Variants in KCNQ2 observed in about 807,000 individuals in gnomAD.
The protein encoded by KCNQ2 is potassium voltage-gated channel subfamily KQT member 2.
In KCNQ2, 14 loss-of-function variants were observed where a neutral mutation model predicts 84.8. The observed-to-expected ratio is 0.17, with a 90% CI of 0.11 to 0.26. The LOEUF (loss-of-function observed/expected upper bound fraction) is 0.26. KCNQ2 is among the 10% of genes least tolerant of loss of function. The pLI is 1.00. For synonymous variants in KCNQ2, 599 were observed against 554.1 expected (o/e 1.08, Z -1.14); for missense variants, 788 against 1,254.0 (o/e 0.63, Z 5.61).
chr20:63,428,461 T>C, intron 9 of KCNQ2, 26 bp from the exon 10 acceptor site: 1 of 1,565,372 alleles, frequency 6.4e-7, no homozygotes, highest in Non-Finnish European at 8.7e-7. Context: ...GAGAGGGGAG[T>C]GAGCGTCTCA....
intron 4 of KCNQ2, among the ~76,000 whole-genome samples, chr20:63,442,900 C>T: frequency 1.5e-4 from 2 of 13,684 alleles, no homozygotes; most frequent in African/African-American, 2.0e-4. Flanking sequence ...TCACCACCAT[C>T]ACCACCACCA....
intron 4 of KCNQ2, among the ~76,000 whole-genome samples, chr20:63,442,743 TCACCACCATCACCATCAC>T: frequency 2.8e-5 from 1 of 36,148 alleles, no homozygotes; most frequent in South Asian, 1.1e-3. Context: ...ACCTCCACCA[TCACCACCATCACCATCAC>T]CACCATCACC....
chr20:63,423,165 C>T (rs1021088076), intron 11 of KCNQ2, among the ~76,000 whole-genome samples: 1 of 152,144 alleles, frequency 6.6e-6, no homozygotes, highest in African/African-American at 2.4e-5. Flanking sequence ...TGGTGTGGGC[C>T]GGAAGCATTG....
chr20:63,444,005 C>A (rs1374559731), intron 4 of KCNQ2, among the ~76,000 whole-genome samples: 1 of 152,252 alleles, frequency 6.6e-6, no homozygotes, highest in Non-Finnish European at 1.5e-5. Context: ...ACTCAACCCC[C>A]ACAGCGTCCA....
Position 63,458,618 on chromosome 20 carries a change from T to TC in KCNQ2, c.297-11782dup, listed in dbSNP as rs529443006. 5.5e-4 allele frequency among the ~76,000 whole-genome samples: 83 copies of TC among 152,114 alleles called. 3 individuals carry two copies. The South Asian group carries it at 0.016, about 29-fold the overall frequency. ...GGGCCCTGAGCCTGACCGAGCACTG[T>TC]CCCCCCAGAGCAGCGGTCTGCTCGC... On this transcript the variant is annotated intron_variant, in intron 1 of 16. Coordinates refer to ENST00000359125, the MANE Select transcript of KCNQ2 (RefSeq NM_172107.4).
chr20:63,416,529 C>T (rs1568884407), intron 12 of KCNQ2, among the ~76,000 whole-genome samples: 1 of 152,216 alleles, frequency 6.6e-6, no homozygotes, highest in African/African-American at 2.4e-5. Flanking sequence ...TGCTTAGCAG[C>T]CACGGAACTT....
At chr20:63,417,588 G>T (rs1344409656) in intron 12 of KCNQ2, among the ~76,000 whole-genome samples, 2 of 152,236 alleles carry the variant, frequency 1.3e-5, no homozygotes, top group Non-Finnish European at 2.9e-5. Flanking sequence ...CACAGCTTGA[G>T]GAATGGGCAT....
At chr20:63,467,758 A>T (rs560702942) in intron 1 of KCNQ2, among the ~76,000 whole-genome samples, 14 of 152,326 alleles carry the variant, frequency 9.2e-5, no homozygotes, top group African/African-American at 3.1e-4. Flanking sequence ...CAGTTCTGAA[A>T]CACTCCAGGA....
rs942788996 is a variant in KCNQ2, at chr20:63,401,007, C to T, written c.*5637G>A. ...TGGCGTGTGGCGATGGCGATGTGCA[C>T]GTGCCTGCCTGGTAGCCCCGGGGAC... On this transcript the variant is annotated 3_prime_UTR_variant, in exon 17 of 17. Coordinates refer to ENST00000359125, the MANE Select transcript of KCNQ2 (RefSeq NM_172107.4). 7 of 396,906 alleles carry T rather than the reference C, an allele frequency of 1.8e-5. No homozygotes were observed. Among genetic ancestry groups the T allele is most frequent in the South Asian group, 1.4e-4 (1 of 7,070 alleles). The allele number at this position is 396,906 out of a possible 1,614,324, so 24.6% of individuals were successfully genotyped here.
At chr20:63,456,301 C>G (rs1402952278) in intron 1 of KCNQ2, among the ~76,000 whole-genome samples, 1 of 152,202 alleles carries the variant, frequency 6.6e-6, no homozygotes, top group Non-Finnish European at 1.5e-5. Context: ...GCTCCTCACT[C>G]GCTTCATGCA....
At chr20:63,464,492 C>T (rs1306711157) in intron 1 of KCNQ2, among the ~76,000 whole-genome samples, 4 of 152,242 alleles carry the variant, frequency 2.6e-5, no homozygotes, top group African/African-American at 7.2e-5. Context: ...TGGGGACCTG[C>T]GTGTGATGCC....
Position 63,414,618 on chromosome 20 carries a change from T to C in KCNQ2, c.1525+285A>G, listed in dbSNP as rs928020929. Among the ~76,000 whole-genome samples, 1 of 151,786 alleles carries C rather than the reference T, an allele frequency of 6.6e-6. No homozygotes were observed. Among genetic ancestry groups the C allele is most frequent in the African/African-American group, 2.4e-5 (1 of 41,310 alleles). On this transcript the variant is annotated intron_variant, in intron 13 of 16. Transcript: ENST00000359125. This position sits in a 1 kb window ranked among gnomAD's most constrained non-coding sequence, Gnocchi z 6.6. ...CTGAGGCGGGGAATGGGGTGACTAC[T>C]GATGGGGTCATGGTTTCCTTCTGTG...
At chr20:63,434,582 C>A (rs907824287) in intron 7 of KCNQ2, 1 of 152,222 alleles carries the variant, frequency 6.6e-6, no homozygotes, top group Non-Finnish European at 1.5e-5. Context: ...CCTCCTACCC[C>A]CGACGTTCAG....
chr20:63,442,731 C>CCATCACCACCAT, intron 4 of KCNQ2, among the ~76,000 whole-genome samples, 200 bp from the exon 5 acceptor site: 1 of 38,626 alleles, frequency 2.6e-5, no homozygotes, highest in South Asian at 1.1e-3. Context: ...ACCATCATCA[C>CCATCACCACCAT]CACCTCCACC....
intron 9 of KCNQ2, among the ~76,000 whole-genome samples, chr20:63,430,897 G>A (rs915317461): frequency 6.6e-6 from 1 of 152,202 alleles, no homozygotes; most frequent in Non-Finnish European, 1.5e-5. Context: ...GAGCACCCTT[G>A]GCCCCAGATG....
intron 4 of KCNQ2, 91 bp from the exon 5 acceptor site, chr20:63,442,622 A>G (rs1297958344): frequency 7.3e-7 from 1 of 1,369,872 alleles, no homozygotes. Flanking sequence ...CATCAACACC[A>G]TGACCACCAT....
intron 10 of KCNQ2, chr20:63,424,618 A>C: frequency 1.5e-5 from 3 of 198,298 alleles, no homozygotes; most frequent in African/African-American, 2.3e-5. Flanking sequence ...AGCTGCTCCG[A>C]CTCTTTTTTC....
At chr20:63,459,855 G>A (rs2081903251) in intron 1 of KCNQ2, 3 of 152,326 alleles carry the variant, frequency 2.0e-5, no homozygotes, top group South Asian at 4.1e-4. Context: ...CCACCCACCT[G>A]TGCCTCAGTT....
In KCNQ2 at chr20:63,407,286, A is replaced by G. The variant is rs530636866; in HGVS notation, c.1977T>C (p.Phe659=). Residue 659 remains phenylalanine, a synonymous_variant, in exon 17 of 17, where the codon TTT becomes TTC. Coordinates refer to ENST00000359125, the MANE Select transcript of KCNQ2 (RefSeq NM_172107.4). This position sits in a 1 kb window ranked among gnomAD's most constrained non-coding sequence, Gnocchi z 7.2. The part of the protein sequence containing the change: ...GIPPTETEAY[F]GAKEPEPAPP... ...GCGCCGGCTCCGGCTCTTTGGCCCC[A>G]AAGTAGGCCTCGGTCTCTGTCGGGG... The G allele has an allele frequency of 7.5e-6, 12 of 1,595,566 alleles. No homozygotes were observed. The South Asian group carries it at 1.2e-4, about 16-fold the overall frequency.
Sources: allele counts gnomAD v4.1 joint callset (sites outside exome capture counted in the v4.1 genomes callset), GRCh38; gene constraint gnomAD v4.1.1; non-coding constraint Gnocchi (gnomAD v3.1); transcripts MANE v1.5; gene names NCBI Gene and HGNC (gene_info 2026-07-23, HGNC 2026-07-21).